The following SCIMP variants were observed in gnomAD, a reference collection of about 807,000 sequenced individuals.
SCIMP encodes SLP adapter and CSK-interacting membrane protein.
SCIMP carries 18 observed loss-of-function variants against 22.0 expected under a neutral mutation model. That is an observed-to-expected ratio of 0.82 (90% CI 0.56 to 1.21). The LOEUF is 1.21. Among genes scored for constraint, SCIMP ranks in the 50% most tolerant of loss-of-function variants. SCIMP has a pLI of 0.00. For missense variants in SCIMP, 155 were observed against 171.2 expected, an observed-to-expected ratio of 0.91 and a Z score of 0.53; for synonymous variants, 53 against 62.2, an observed-to-expected ratio of 0.85 and a Z score of 0.70.
At chr17:5,219,203 C>T (rs1302286098) in intron 3 of SCIMP, among the ~76,000 whole-genome samples, 1 of 152,056 alleles carries the variant, frequency 6.6e-6, no homozygotes, top group Non-Finnish European at 1.5e-5. Context: ...CCTGTAATCC[C>T]AGCTATTCAG....
intron 4 of SCIMP, among the ~76,000 whole-genome samples, chr17:5,211,948 T>C (rs920118393): frequency 1.3e-5 from 2 of 151,750 alleles, no homozygotes; most frequent in Non-Finnish European, 2.9e-5. Context: ...CTCGGGAGGT[T>C]GAGACAGGAG....
rs767954295 is a variant in SCIMP, at chr17:5,210,865, A to T, written c.374T>A (p.Ile125Asn). Reference protein sequence around the residue: ...NKKTVSIPSYIEPEDDYDDVE... With the variant: ...NKKTVSIPSYNEPEDDYDDVE... ...ATCGTCATAGTCATCTTCAGGCTCAATGTAGCTTGGGATGGAAACAGTCTT... is the reference window on the plus strand; with the variant it reads ...ATCGTCATAGTCATCTTCAGGCTCATTGTAGCTTGGGATGGAAACAGTCTT... Residue 125 changes from isoleucine to asparagine, a missense_variant, in exon 5 of 5, where the codon ATT (isoleucine) becomes AAT (asparagine). Physicochemically the swap from Ile to Asn is moderately radical, Grantham distance 149. Coordinates refer to ENST00000574081, the MANE Select transcript of SCIMP (RefSeq NM_207103.3). 17 of 1,614,070 alleles carry T rather than the reference A, an allele frequency of 1.1e-5. No homozygotes were observed. The highest frequency in any genetic ancestry group is 9.3e-6 in the Non-Finnish European group (11 of 1,180,006).
chr17:5,211,065 T>C, intron 4 of SCIMP, 110 bp from the exon 5 acceptor site: 1 of 1,474,606 alleles, frequency 6.8e-7, no homozygotes, highest in Non-Finnish European at 9.0e-7. Flanking sequence ...CCACTTCTAG[T>C]GGGCCAGATC....
intron 1 of SCIMP, among the ~76,000 whole-genome samples, chr17:5,227,859 G>A (rs1432738320): frequency 1.0e-5 from 1 of 99,076 alleles, no homozygotes; most frequent in African/African-American, 2.8e-5. Flanking sequence ...GTGAAGGGAT[G>A]TCACTACCCC....
intron 1 of SCIMP, among the ~76,000 whole-genome samples, chr17:5,231,437 T>C (rs529942070): frequency 3.3e-5 from 5 of 152,216 alleles, no homozygotes; most frequent in Admixed American, 6.5e-5. Context: ...AAGCCACTTA[T>C]GACCATCAAT....
intron 3 of SCIMP, 99 bp downstream of exon 3, chr17:5,221,188 G>A (rs561376727): frequency 5.0e-5 from 44 of 874,478 alleles, no homozygotes; most frequent in South Asian, 3.4e-4. Context: ...CAGGAAATGC[G>A]GATGTCTCAG....
In SCIMP at chr17:5,210,821, T is replaced by C; in HGVS notation, c.418A>G (p.Thr140Ala). The change falls in exon 5 of 5, where the codon ACT becomes GCT. Residue 140 changes from threonine (T) to alanine (A), a missense_variant. Coordinates refer to ENST00000574081, the MANE Select transcript of SCIMP (RefSeq NM_207103.3). ...CTGTTTCAAAATGATGCTTTTTCAGTATTTGCAGGGATTTCAACATCGTCA... is the reference window on the plus strand; with the variant it reads ...CTGTTTCAAAATGATGCTTTTTCAGCATTTGCAGGGATTTCAACATCGTCA... ...DYDDVEIPAN[T>A]EKASF The C allele has an allele frequency of 6.2e-7, 1 of 1,610,712 alleles. No homozygotes were observed. Among genetic ancestry groups the C allele is most frequent in the Non-Finnish European group, 8.5e-7 (1 of 1,179,276 alleles).
chr17:5,226,323 A>C (rs187950540), intron 1 of SCIMP, among the ~76,000 whole-genome samples: 1 of 152,260 alleles, frequency 6.6e-6, no homozygotes, highest in Non-Finnish European at 1.5e-5. Context: ...CTTGGGTTTC[A>C]AGGTCAAGGA....
intron 4 of SCIMP, chr17:5,213,259 C>CTT (rs11409123): frequency 0.068 from 58,891 of 863,294 alleles, 297 homozygotes; most frequent in African/African-American, 0.12. Context: ...TTTTCCATCC[C>CTT]TTTTTTTTTT....
intron 4 of SCIMP, among the ~76,000 whole-genome samples, chr17:5,212,067 AAG>A (rs559636598): frequency 4.9e-4 from 75 of 152,250 alleles, no homozygotes; most frequent in African/African-American, 1.7e-3. Context: ...GAAAGAAAGA[AAG>A]AAAAAGAAAC....
chr17:5,220,451 A>T (rs1034754403), intron 3 of SCIMP, among the ~76,000 whole-genome samples: 2 of 151,186 alleles, frequency 1.3e-5, no homozygotes, highest in Non-Finnish European at 3.0e-5. Flanking sequence ...AAAAAAAAAA[A>T]AAAGAGGCTG....
intron 3 of SCIMP, among the ~76,000 whole-genome samples, chr17:5,219,969 C>T (rs1475769840): frequency 1.3e-5 from 2 of 152,186 alleles, no homozygotes; most frequent in African/African-American, 2.4e-5. Flanking sequence ...TGCTAGACCC[C>T]ACACTCCATC....
intron 3 of SCIMP, among the ~76,000 whole-genome samples, chr17:5,216,511 C>T (rs1401348972): frequency 6.6e-6 from 1 of 151,836 alleles, no homozygotes; most frequent in African/African-American, 2.4e-5. Flanking sequence ...ACTAAAAATA[C>T]AAAAATTAGC....
In SCIMP at chr17:5,211,524, C is replaced by CAA. The variant is rs34444793; in HGVS notation, c.284-571_284-570dup. Among the ~76,000 whole-genome samples, 116 of 132,806 alleles carry CAA rather than the reference C, an allele frequency of 8.7e-4. 1 individual carries two copies. In the East Asian group the frequency reaches 0.014, roughly 16 times the overall value. The allele number at this position is 132,806 out of a possible 152,430, so 87.1% of individuals were successfully genotyped here. On this transcript the variant is annotated intron_variant, in intron 4 of 4. Transcript: ENST00000574081. ...GGACAACATGGTAAGACCCTGTCTCCAAAAAAAAAAAAAGAATGGATGAAA... is the reference window on the plus strand; with the variant it reads ...GGACAACATGGTAAGACCCTGTCTCCAAAAAAAAAAAAAAAGAATGGATGAAA...
chr17:5,231,949 G>A (rs915871227), intron 1 of SCIMP, among the ~76,000 whole-genome samples: 14 of 152,272 alleles, frequency 9.2e-5, no homozygotes, highest in Admixed American at 2.6e-4. Context: ...CCAGCTACTC[G>A]GGAGGCTGAG....
At chr17:5,211,697 A>G (rs985028887) in intron 4 of SCIMP, among the ~76,000 whole-genome samples, 1 of 152,136 alleles carries the variant, frequency 6.6e-6, no homozygotes, top group Non-Finnish European at 1.5e-5. Flanking sequence ...GTAATTGCTT[A>G]TGTACAAATC....
At chr17:5,211,039 C>A in intron 4 of SCIMP, 84 bp from the exon 5 acceptor site, 2 of 1,512,562 alleles carry the variant, frequency 1.3e-6, no homozygotes, top group Non-Finnish European at 1.8e-6. Flanking sequence ...GTGATTTTCA[C>A]GTTTCAGTGA....
intron 1 of SCIMP, among the ~76,000 whole-genome samples, chr17:5,225,749 C>T (rs1355295386): frequency 1.4e-5 from 2 of 145,980 alleles, no homozygotes; most frequent in Non-Finnish European, 3.0e-5. Context: ...GCAACAAGAG[C>T]GAGATTCCAT....
intron 1 of SCIMP, among the ~76,000 whole-genome samples, chr17:5,231,925 A>G (rs57868052): frequency 0.048 from 7,278 of 152,250 alleles, 544 homozygotes; most frequent in African/African-American, 0.16. Context: ...GCATGGTGGC[A>G]GGCGCCTGTA....
Sources: gnomAD v4.1 joint callset for allele counts (sites outside exome capture counted in the v4.1 genomes callset) on GRCh38, gnomAD v4.1.1 for gene constraint, MANE v1.5 for transcripts, NCBI Gene and HGNC (gene_info 2026-07-23, HGNC 2026-07-21) for gene names.